The following ARHGAP29 variants were observed in gnomAD, a reference collection of about 807,000 sequenced individuals.
ARHGAP29 encodes the protein rho GTPase-activating protein 29.
ARHGAP29 carries 43 observed loss-of-function variants against 122.6 expected under a neutral mutation model. That is an observed-to-expected ratio of 0.35 (90% confidence interval 0.27 to 0.45). The LOEUF (loss-of-function observed/expected upper bound fraction) is 0.45. ARHGAP29 is among the 20% of genes least tolerant of loss of function. The probability of loss-of-function intolerance (pLI) is 1.00; values close to 1 mark genes in which losing one functional copy is unlikely to be tolerated. For synonymous variants in ARHGAP29, 506 were observed against 497.1 expected, an observed-to-expected ratio of 1.02 and a Z score of -0.24; for missense variants, 1,303 against 1,477.2, an observed-to-expected ratio of 0.88 and a Z score of 1.93.
At chr1:94,191,353 T>C (rs1650122793) in intron 12 of ARHGAP29, 1 of 152,328 alleles carries the variant, frequency 6.6e-6, no homozygotes, top group African/African-American at 2.4e-5. Flanking sequence ...GACTGCCATG[T>C]TTCCTCTTCA....
chr1:94,309,224 C>T, the ARHGAP29 span, among the ~76,000 whole-genome samples: 15 of 152,188 alleles, frequency 9.9e-5, no homozygotes, highest in Admixed American at 7.9e-4. Context: ...TATGAGAGAG[C>T]CACAACTATT....
In ARHGAP29 at chr1:94,200,313, G is replaced by A. The variant is rs191259220; in HGVS notation, c.1281+1407C>T. Among the ~76,000 whole-genome samples, 17 of 152,210 alleles carry A rather than the reference G, an allele frequency of 1.1e-4. No individual in the cohort carries two copies. In the South Asian group the frequency reaches 1.9e-3, roughly 17 times the overall value. The stretch of plus-strand genomic sequence containing the variant: ...AGCCTTTGAAAAGATGCTCAATATC[G>A]TTAATCATTTTTAGAAACACAAATT... On this transcript the variant is annotated intron_variant, in intron 12 of 22. Coordinates refer to ENST00000260526, the MANE Select transcript of ARHGAP29 (RefSeq NM_004815.4).
intron 1 of ARHGAP29, among the ~76,000 whole-genome samples, chr1:94,254,552 T>A (rs1007667797): frequency 2.0e-5 from 3 of 152,218 alleles, no homozygotes; most frequent in Admixed American, 1.3e-4. Context: ...GCAATCTGAC[T>A]TCTAGTAACT....
At position 94,250,728 on chromosome 1, in the gene ARHGAP29, T is replaced by C. The variant is rs185499834; in HGVS notation, c.-32-19085A>G. ...CTGTCATAAGGACAGGAAACTAAGATTGACAAAAATAAAGAAATATTTGAG... is the reference window on the plus strand; with the variant it reads ...CTGTCATAAGGACAGGAAACTAAGACTGACAAAAATAAAGAAATATTTGAG... On this transcript the variant is annotated intron_variant and NMD_transcript_variant, in intron 1 of 25. Transcript: ENST00000552844. Among the ~76,000 whole-genome samples, 3 of 152,282 alleles carry C rather than the reference T, an allele frequency of 2.0e-5. No homozygotes were observed. The East Asian group carries it at 5.8e-4, about 29-fold the overall frequency.
At chr1:94,208,938 C>A in intron 4 of ARHGAP29, 34 bp from the exon 5 acceptor site, 1 of 1,563,674 alleles carries the variant, frequency 6.4e-7, no homozygotes, top group South Asian at 1.1e-5. Flanking sequence ...AAAGACAAGT[C>A]ATTATACTTC....
upstream of ARHGAP29, chr1:94,237,621 G>T: frequency 1.0e-6 from 1 of 987,018 alleles, no homozygotes; most frequent in Non-Finnish European, 1.2e-6. Flanking sequence ...CGCCACGGCC[G>T]CACCGCCCGC....
chr1:94,169,793 G>T lies in ARHGAP29; in HGVS notation c.*4076C>A, dbSNP rs1570468445. ...GTAGGAAAAAGTGTAAGATGAGCTC[G>T]TAAAAAAAATAAGAGGGGAAAAAGC... On this transcript the variant is annotated 3_prime_UTR_variant, in exon 23 of 23. Coordinates refer to ENST00000260526, the MANE Select transcript of ARHGAP29 (RefSeq NM_004815.4). Among the ~76,000 whole-genome samples the T allele has an allele frequency of 1.3e-5, 2 of 152,044 alleles. No individual in the cohort carries two copies. Among genetic ancestry groups the T allele is most frequent in the East Asian group, 3.9e-4 (2 of 5,162 alleles).
intron 1 of ARHGAP29, among the ~76,000 whole-genome samples, chr1:94,274,542 G>C (rs1357507171): frequency 1.3e-5 from 2 of 152,208 alleles, no homozygotes; most frequent in African/African-American, 4.8e-5. Context: ...TTGGCAATAT[G>C]GTGGTCACAG....
Position 94,177,710 on chromosome 1 carries a change from GTATGGA to G in ARHGAP29, c.2801_2806del (p.Ile934_His935del). ...AAAAATTTTGCTTTCACTCTCTGAA[GTATGGA>G]TATCCTGTTGATGCAAGATAATTTT... On this transcript the variant is annotated inframe_deletion, in exon 22 of 23. Coordinates refer to ENST00000260526, the MANE Select transcript of ARHGAP29 (RefSeq NM_004815.4). The G allele has an allele frequency of 6.2e-7, 1 of 1,611,424 alleles. No individual in the cohort carries two copies. Among genetic ancestry groups the G allele is most frequent in the African/African-American group, 1.3e-5 (1 of 74,866 alleles).
intron 12 of ARHGAP29, chr1:94,193,015 C>T (rs1329028858): frequency 6.6e-6 from 1 of 151,528 alleles, no homozygotes; most frequent in African/African-American, 2.4e-5. Context: ...GATGAAAAAT[C>T]TACAACAACT....
At chr1:94,225,112 T>C (rs567081396) in intron 2 of ARHGAP29, among the ~76,000 whole-genome samples, 108 of 152,296 alleles carry the variant, frequency 7.1e-4, no homozygotes, top group Middle Eastern at 3.4e-3. Context: ...ATATTTCAGT[T>C]GGAACTTCAT....
At chr1:94,201,601 G>T in intron 12 of ARHGAP29, 119 bp downstream of exon 12, 2 of 1,138,358 alleles carry the variant, frequency 1.8e-6, no homozygotes, top group Non-Finnish European at 2.4e-6. Flanking sequence ...TCAAACTTTT[G>T]GGCTCAAGTG....
chr1:94,237,209 C>T (rs1296392486), intron 1 of ARHGAP29, among the ~76,000 whole-genome samples: 1 of 152,192 alleles, frequency 6.6e-6, no homozygotes, highest in Non-Finnish European at 1.5e-5. Context: ...CCGGGCGCGC[C>T]CCTAGCCCCG....
chr1:94,188,754 TA>T, intron 15 of ARHGAP29, 82 bp downstream of exon 15: 2 of 1,163,878 alleles, frequency 1.7e-6, no homozygotes, highest in Non-Finnish European at 2.5e-6. Context: ...AAGTTCACTA[TA>T]AAAACAAGGT....
chr1:94,313,497 G>A, the ARHGAP29 span, among the ~76,000 whole-genome samples: 1 of 152,188 alleles, frequency 6.6e-6, no homozygotes, highest in Non-Finnish European at 1.5e-5. Context: ...TGCTGGAGAG[G>A]ATGTGGAGAA....
chr1:94,281,449 C>T, the ARHGAP29 span, among the ~76,000 whole-genome samples: 13 of 150,620 alleles, frequency 8.6e-5, no homozygotes, highest in African/African-American at 2.4e-4. Context: ...CAGCCCAGCA[C>T]GTAAAGTTAA....
chr1:94,213,148 C>A (rs1490968412), intron 3 of ARHGAP29, among the ~76,000 whole-genome samples: 1 of 152,134 alleles, frequency 6.6e-6, no homozygotes, highest in Non-Finnish European at 1.5e-5. Flanking sequence ...GCTTTTCACC[C>A]ACTTTAACGG....
At chr1:94,235,341 T>C (rs1237927892) in intron 1 of ARHGAP29, among the ~76,000 whole-genome samples, 3 of 152,200 alleles carry the variant, frequency 2.0e-5, no homozygotes, top group African/African-American at 7.2e-5. Context: ...GAATATTCTC[T>C]TGTTGGAAGT....
At chr1:94,199,829 C>T (rs1650725491) in intron 12 of ARHGAP29, among the ~76,000 whole-genome samples, 1 of 152,132 alleles carries the variant, frequency 6.6e-6, no homozygotes, top group African/African-American at 2.4e-5. Context: ...ATTGACATGT[C>T]CCCTTCTCTT....
Sources: allele counts gnomAD v4.1 joint callset (sites outside exome capture counted in the v4.1 genomes callset), GRCh38; gene constraint gnomAD v4.1.1; transcripts MANE v1.5; gene names NCBI Gene and HGNC (gene_info 2026-07-23, HGNC 2026-07-21).